Variants in MGAT5B observed in about 807,000 individuals in gnomAD.
The protein encoded by MGAT5B is N-acetylglucosaminyl-transferase Vb.
A neutral mutation model predicts 95.1 loss-of-function variants in MGAT5B; 54 were observed. The observed-to-expected ratio is 0.57, with a 90% confidence interval of 0.46 to 0.71. The LOEUF is 0.71. MGAT5B is among the 30% of genes least tolerant of loss of function. The pLI, the probability that MGAT5B is intolerant of heterozygous loss-of-function variation, is 0.00. For synonymous variants in MGAT5B, 464 were observed against 451.0 expected, an observed-to-expected ratio of 1.03 and a Z score of -0.36; for missense variants, 935 against 1,088.6, an observed-to-expected ratio of 0.86 and a Z score of 1.99.
At position 76,912,112 on chromosome 17, in the gene MGAT5B, G is replaced by A. The variant is rs928622456; in HGVS notation, c.1025+5925G>A. On this transcript the variant is annotated intron_variant, in intron 8 of 17. Coordinates refer to ENST00000569840, the MANE Select transcript of MGAT5B (RefSeq NM_001199172.2). The surrounding 1 kb of genome is among the most constrained non-coding windows in gnomAD (Gnocchi z 5.0). ...TTCCCCTCCCTATAAGGACCTATTG[G>A]ATTAGGGCCCACCCTAATGCCCTCA... is the stretch of plus-strand genomic sequence containing the variant. 6.6e-6 allele frequency among the ~76,000 whole-genome samples: 1 copy of A among 152,168 alleles called. No individual in the cohort carries two copies. The highest frequency in any genetic ancestry group is 1.5e-5 in the Non-Finnish European group (1 of 68,026).
chr17:76,893,076 G>A (rs1019894944), intron 3 of MGAT5B, among the ~76,000 whole-genome samples: 1 of 152,138 alleles, frequency 6.6e-6, no homozygotes, highest in East Asian at 1.9e-4. Flanking sequence ...GTTACTGCAC[G>A]CACAGTACGG....
chr17:76,920,231 C>T (rs906312361), intron 8 of MGAT5B, among the ~76,000 whole-genome samples: 1 of 152,218 alleles, frequency 6.6e-6, no homozygotes, highest in African/African-American at 2.4e-5. Context: ...CCCCACCACC[C>T]TCCTATCTGT....
chr17:76,882,646 G>A (rs1390206020), intron 3 of MGAT5B: 1 of 181,262 alleles, frequency 5.5e-6, no homozygotes, highest in East Asian at 1.3e-4. Context: ...TAAATTCATA[G>A]TGTGTGATTT....
In MGAT5B at chr17:76,940,451, C is replaced by A; in HGVS notation, c.1634C>A (p.Ala545Asp). 1 of 1,613,898 alleles carries A rather than the reference C, an allele frequency of 6.2e-7. No individual in the cohort carries two copies. The highest frequency in any genetic ancestry group is 8.5e-7 in the Non-Finnish European group (1 of 1,179,912). ...FPYEGPAPLE[A>D]IANGCIFLQS... ...TACGAGGGCCCCGCCCCCCTGGAGG[C>A]CATCGCCAATGGTTGCATCTTCCTG... Residue 545 changes from alanine to aspartate, a missense_variant, in exon 14 of 18, where the codon GCC becomes GAC. Physicochemically the swap from Ala to Asp is moderately radical, Grantham distance 126. This residue lies in a region of MGAT5B where 440 missense variants were observed against 523.6 expected (regional missense o/e 0.84). Coordinates refer to ENST00000569840, the MANE Select transcript of MGAT5B (RefSeq NM_001199172.2). This position sits in a 1 kb window ranked among gnomAD's most constrained non-coding sequence, Gnocchi z 4.3.
intron 8 of MGAT5B, among the ~76,000 whole-genome samples, chr17:76,920,078 A>C (rs1969078000): frequency 6.6e-6 from 1 of 152,040 alleles, no homozygotes; most frequent in Non-Finnish European, 1.5e-5. Context: ...GCCTGGGGAC[A>C]CTCAGAAATA....
intron 2 of MGAT5B, among the ~76,000 whole-genome samples, chr17:76,874,796 G>T (rs894938): frequency 1.4e-4 from 22 of 151,902 alleles, no homozygotes; most frequent in East Asian, 1.9e-4. Context: ...TGCTGTGCTC[G>T]GTGCTATGCA....
In MGAT5B at chr17:76,877,050, G is replaced by C. The variant is rs560259220; in HGVS notation, c.181+4087G>C. ...TGAAGAAGCAGTGGTAGGAGGCTGG[G>C]TGTGGTGGCTCACGCCTGTAATCCC... On this transcript the variant is annotated intron_variant, in intron 2 of 17. Coordinates refer to ENST00000569840, the MANE Select transcript of MGAT5B (RefSeq NM_001199172.2). Among the ~76,000 whole-genome samples, 5 of 152,250 alleles carry C rather than the reference G, an allele frequency of 3.3e-5. No individual in the cohort carries two copies. The South Asian group carries it at 1.0e-3, about 32-fold the overall frequency.
intron 11 of MGAT5B, 45 bp downstream of exon 11, chr17:76,932,820 C>G: frequency 6.2e-7 from 1 of 1,605,978 alleles, no homozygotes; most frequent in Non-Finnish European, 8.5e-7. Flanking sequence ...CTGCTCGGCA[C>G]AGGCCCCCGC....
At chr17:76,872,807 A>G in intron 1 of MGAT5B, 44 bp from the exon 2 acceptor site, 1 of 1,614,070 alleles carries the variant, frequency 6.2e-7, no homozygotes, top group Non-Finnish European at 8.5e-7. Flanking sequence ...TCAGGGCACG[A>G]TGGCCCTTCC....
At chr17:76,879,017 G>C (rs865941391) in intron 2 of MGAT5B, among the ~76,000 whole-genome samples, 2 of 152,318 alleles carry the variant, frequency 1.3e-5, no homozygotes. Context: ...CCTTGACTGG[G>C]CCCATGCCAC....
intron 15 of MGAT5B, among the ~76,000 whole-genome samples, chr17:76,943,124 C>T (rs913170930): frequency 6.6e-6 from 1 of 151,720 alleles, no homozygotes; most frequent in Non-Finnish European, 1.5e-5. Context: ...GTGGGACACA[C>T]AAGAAATTGA....
intron 3 of MGAT5B, among the ~76,000 whole-genome samples, chr17:76,885,860 C>T (rs1358942826): frequency 2.0e-5 from 3 of 152,172 alleles, no homozygotes; most frequent in Non-Finnish European, 4.4e-5. Flanking sequence ...GCTAGACCGG[C>T]AAGAATCCTG....
At position 76,925,016 on chromosome 17, in the gene MGAT5B, T is replaced by C. The variant is rs1969256399; in HGVS notation, c.1076T>C (p.Leu359Pro). 6.2e-6 allele frequency: 10 copies of C among 1,600,876 alleles called. No homozygotes were observed. Among genetic ancestry groups the C allele is most frequent in the Non-Finnish European group, 8.5e-6 (10 of 1,173,852 alleles). ...GGAAGCTGCCCGCTCACCATGCCCC[T>C]GCCCTTCGACCTCATCTACACCGAC... Reference protein sequence around the residue: ...GRGSCPLTMPLPFDLIYTDYH... With the variant: ...GRGSCPLTMPPPFDLIYTDYH... The change falls in exon 9 of 18, where the codon CTG (leucine) becomes CCG (proline). Residue 359 changes from leucine to proline, a missense_variant. Transcript: ENST00000569840.
At chr17:76,937,473 G>A (rs1390576062) in intron 12 of MGAT5B, among the ~76,000 whole-genome samples, 2 of 151,972 alleles carry the variant, frequency 1.3e-5, no homozygotes, top group Non-Finnish European at 1.5e-5. Context: ...ATGGATGGGT[G>A]GGTGGACGCA....
intron 17 of MGAT5B, among the ~76,000 whole-genome samples, chr17:76,948,321 C>G (rs943521241): frequency 6.6e-6 from 1 of 152,230 alleles, no homozygotes; most frequent in African/African-American, 2.4e-5. Context: ...CCATTGCCTG[C>G]TCTCTTCCAC....
At position 76,917,246 on chromosome 17, in the gene MGAT5B, G is replaced by A. The variant is rs114175166; in HGVS notation, c.1026-7720G>A. On this transcript the variant is annotated intron_variant, in intron 8 of 17. Coordinates refer to ENST00000569840, the MANE Select transcript of MGAT5B (RefSeq NM_001199172.2). This position sits in a 1 kb window ranked among gnomAD's most constrained non-coding sequence, Gnocchi z 6.1. ...AGCCAGGCAGGTCCGAATGTTCCTC[G>A]AAGTCAGTTTCTTTGCTGTGTCTCC... 1.5e-4 allele frequency among the ~76,000 whole-genome samples: 23 copies of A among 152,192 alleles called. 1 individual carries two copies. In the South Asian group the frequency reaches 2.5e-3, roughly 16 times the overall value.
intron 2 of MGAT5B, among the ~76,000 whole-genome samples, chr17:76,879,229 G>A (rs772476293): frequency 6.6e-6 from 1 of 152,184 alleles, no homozygotes; most frequent in Non-Finnish European, 1.5e-5. Flanking sequence ...AGCTTGGGGT[G>A]GGCTTGGAGA....
At chr17:76,904,930 G>A (rs1027342148) in intron 6 of MGAT5B, among the ~76,000 whole-genome samples, 6 of 152,242 alleles carry the variant, frequency 3.9e-5, no homozygotes, top group African/African-American at 1.4e-4. Context: ...AACTGCTATG[G>A]TTGGCCACCT....
chr17:76,886,370 C>T (rs942754949), intron 3 of MGAT5B, among the ~76,000 whole-genome samples: 6 of 152,202 alleles, frequency 3.9e-5, no homozygotes, highest in African/African-American at 1.4e-4. Flanking sequence ...CTGCGAGCCT[C>T]AGGTTCTTCA....
Sources: gnomAD v4.1 joint callset for allele counts (sites outside exome capture counted in the v4.1 genomes callset) on GRCh38, gnomAD v4.1.1 for gene constraint, gnomAD v4.1.1 regional missense constraint, Gnocchi (gnomAD v3.1) non-coding constraint, MANE v1.5 for transcripts, NCBI Gene and HGNC (gene_info 2026-07-23, HGNC 2026-07-21) for gene names.